Variants in OPHN1 observed in about 807,000 individuals in gnomAD.
OPHN1 encodes the protein oligophrenin-1.
OPHN1 carries 11 observed loss-of-function variants against 60.7 expected under a neutral mutation model. The observed-to-expected ratio is 0.18, with a 90% CI of 0.11 to 0.30. The LOEUF (loss-of-function observed/expected upper bound fraction) is 0.30, where lower values mean the gene tolerates loss of function less well. Ranked by LOEUF, OPHN1 falls within the 10% of genes least tolerant of loss-of-function variation. The probability of loss-of-function intolerance (pLI) is 1.00; values close to 1 mark genes in which losing one functional copy is unlikely to be tolerated. For missense variants in OPHN1, 449 were observed against 611.0 expected, an observed-to-expected ratio of 0.73 and a Z score of 2.80; for synonymous variants, 226 against 222.6, an observed-to-expected ratio of 1.02 and a Z score of -0.14.
At chrX:68,383,298 C>T (rs979349015) in intron 2 of OPHN1, among the ~76,000 whole-genome samples, 7 of 111,068 alleles carry the variant, frequency 6.3e-5, no homozygotes, top group African/African-American at 2.3e-4. Context: ...AGGAATTAAA[C>T]AGGCAGTGTT....
chrX:68,127,056 A>C (rs1317409671), intron 15 of OPHN1, among the ~76,000 whole-genome samples: 8 of 112,197 alleles, frequency 7.1e-5, no homozygotes, highest in African/African-American at 2.6e-4. Flanking sequence ...AGGTCTGTAG[A>C]TCTCATGAAG....
intron 5 of OPHN1, among the ~76,000 whole-genome samples, chrX:68,256,017 G>A (rs981998480): frequency 2.7e-5 from 3 of 110,511 alleles, no homozygotes; most frequent in Non-Finnish European, 5.7e-5. Context: ...GCAGAAGAGA[G>A]GAGAAAGAGA....
At chrX:68,049,086 G>T (rs1239080825) in intron 23 of OPHN1, among the ~76,000 whole-genome samples, 1 of 110,675 alleles carries the variant, frequency 9.0e-6, no homozygotes, top group Non-Finnish European at 1.9e-5. Flanking sequence ...CCAAATACTA[G>T]GGACCTCCCC....
At chrX:68,061,888 T>C (rs767549991) in intron 21 of OPHN1, among the ~76,000 whole-genome samples, 7 of 111,741 alleles carry the variant, frequency 6.3e-5, no homozygotes, top group African/African-American at 2.3e-4. Flanking sequence ...TTTTACTAAA[T>C]TGTGCTCTGA....
intron 19 of OPHN1, among the ~76,000 whole-genome samples, chrX:68,074,263 A>C (rs768100988): frequency 8.9e-6 from 1 of 112,233 alleles, no homozygotes; most frequent in African/African-American, 3.2e-5. Context: ...TGAGAACACA[A>C]GGCAAGCTGT....
chrX:68,380,377 C>T lies in OPHN1; in HGVS notation c.154+52490G>A, dbSNP rs778673155. Among the ~76,000 whole-genome samples, 303 of 111,303 alleles carry T rather than the reference C, an allele frequency of 2.7e-3. 2 individuals are homozygous for T. Among genetic ancestry groups the T allele is most frequent in the Non-Finnish European group, 4.2e-3 (224 of 53,075 alleles). ...CAATTTTGTTGATCCTTTCAAAAAA[C>T]GAGCTCCTGTATTCATTGATTTTTT... On this transcript the variant is annotated intron_variant, in intron 2 of 24. Transcript: ENST00000355520.
intron 15 of OPHN1, among the ~76,000 whole-genome samples, chrX:68,125,579 AG>A (rs2077166438): frequency 9.1e-6 from 1 of 110,379 alleles, no homozygotes; most frequent in African/African-American, 3.3e-5. Context: ...TTGGAAAACT[AG>A]AAGAAATTGA....
chrX:68,374,055 C>T (rs1009013306), intron 2 of OPHN1, among the ~76,000 whole-genome samples: 2 of 111,309 alleles, frequency 1.8e-5, no homozygotes, highest in African/African-American at 6.5e-5. Flanking sequence ...GTGAAATATT[C>T]TCAGGCATCC....
intron 20 of OPHN1, among the ~76,000 whole-genome samples, chrX:68,072,639 G>A (rs1576090): frequency 0.073 from 8,057 of 111,021 alleles, 355 homozygotes; most frequent in East Asian, 0.26. Context: ...TCTTAGTGGA[G>A]TAGGAGGGCA....
At chrX:68,127,057 T>C (rs998343143) in intron 15 of OPHN1, among the ~76,000 whole-genome samples, 1 of 111,876 alleles carries the variant, frequency 8.9e-6, no homozygotes, top group Non-Finnish European at 1.9e-5. Flanking sequence ...GGTCTGTAGA[T>C]CTCATGAAGA....
At chrX:68,131,993 A>G (rs2077196822) in intron 15 of OPHN1, among the ~76,000 whole-genome samples, 1 of 112,695 alleles carries the variant, frequency 8.9e-6, no homozygotes, top group Admixed American at 9.4e-5. Flanking sequence ...ACAAATTAAA[A>G]TCACAGAATG....
At chrX:68,418,674 A>G (rs1290354787) in intron 2 of OPHN1, among the ~76,000 whole-genome samples, 2 of 111,966 alleles carry the variant, frequency 1.8e-5, no homozygotes, top group African/African-American at 6.5e-5. Flanking sequence ...TAGTGGAACA[A>G]TTTTGAGCAA....
At chrX:68,070,815 G>T in intron 20 of OPHN1, 1 of 1,172,549 alleles carries the variant, frequency 8.5e-7, no homozygotes, top group Non-Finnish European at 1.2e-6. Context: ...ACTTCTTGCT[G>T]CTTTCAGGAC....
At chrX:68,349,350 A>T (rs1489688002) in intron 2 of OPHN1, among the ~76,000 whole-genome samples, 1 of 112,206 alleles carries the variant, frequency 8.9e-6, no homozygotes, top group East Asian at 2.8e-4. Context: ...AATCAAAACC[A>T]CAATGAGATA....
intron 20 of OPHN1, among the ~76,000 whole-genome samples, chrX:68,069,737 G>C (rs943914045): frequency 4.5e-5 from 5 of 110,735 alleles, no homozygotes; most frequent in African/African-American, 1.3e-4. Context: ...TATTTAAGTA[G>C]AATGTTAAGA....
intron 5 of OPHN1, among the ~76,000 whole-genome samples, chrX:68,252,242 G>A (rs2077839520): frequency 8.9e-6 from 1 of 112,259 alleles, no homozygotes; most frequent in African/African-American, 3.2e-5. Context: ...CCATAGATGT[G>A]TGAGCCAGAA....
intron 2 of OPHN1, among the ~76,000 whole-genome samples, chrX:68,323,269 T>C (rs1381126149): frequency 1.8e-5 from 2 of 111,937 alleles, no homozygotes; most frequent in Admixed American, 9.6e-5. Flanking sequence ...ATTGGTCTGA[T>C]AGTAAAACAG....
Position 68,130,222 on chromosome X carries a change from C to G in OPHN1, c.1277-10890G>C, listed in dbSNP as rs1276621523. Among the ~76,000 whole-genome samples the G allele has an allele frequency of 4.5e-5, 5 of 111,428 alleles. No individual in the cohort carries two copies. In the East Asian group the frequency reaches 1.4e-3, roughly 32 times the overall value. ...GCTGTAAACACCAGAAACAGCCACA[C>G]TGGTACCTACTAGCTATTTCAGGCC... On this transcript the variant is annotated intron_variant, in intron 15 of 24. Transcript: ENST00000355520.
At chrX:68,169,885 T>A (rs1382755582) in intron 15 of OPHN1, among the ~76,000 whole-genome samples, 27 of 107,061 alleles carry the variant, frequency 2.5e-4, no homozygotes, top group Non-Finnish European at 4.2e-4. Context: ...GGACTTCATG[T>A]CTAAAACACC....
Sources: allele counts gnomAD v4.1 joint callset (sites outside exome capture counted in the v4.1 genomes callset), GRCh38; gene constraint gnomAD v4.1.1; transcripts MANE v1.5; gene names NCBI Gene and HGNC (gene_info 2026-07-23, HGNC 2026-07-21).